Variants in TNFSF13B observed in about 807,000 individuals in gnomAD.
The protein encoded by TNFSF13B is tumor necrosis factor ligand superfamily member 13B.
A neutral mutation model predicts 29.1 loss-of-function variants in TNFSF13B; 8 were observed. The ratio of observed to expected loss-of-function variants is 0.27; its 90% CI spans 0.16 to 0.50. TNFSF13B has a LOEUF of 0.50. Ranked by LOEUF, TNFSF13B falls within the 20% of genes least tolerant of loss-of-function variation. The pLI, the probability that TNFSF13B is intolerant of heterozygous loss-of-function variation, is 0.98. For synonymous variants in TNFSF13B, 125 were observed against 130.8 expected (o/e 0.96, Z 0.30); for missense variants, 248 against 334.9 (o/e 0.74, Z 2.03).
Position 108,298,383 on chromosome 13 carries a change from G to A in TNFSF13B, c.482-4870G>A, listed in dbSNP as rs769444833. ...CATTATGAGAGTCACAGAAGGAGAA[G>A]AGAGTTAAAATCTGAATAAATAATA... On this transcript the variant is annotated intron_variant, in intron 3 of 5. Transcript: ENST00000375887. Among the ~76,000 whole-genome samples the A allele has an allele frequency of 4.8e-5, 7 of 145,780 alleles. 2 individuals are homozygous for A. The highest frequency in any genetic ancestry group is 1.1e-4 in the Non-Finnish European group (7 of 65,686).
At position 108,296,617 on chromosome 13, in the gene TNFSF13B, G is replaced by T. The variant is rs896562941; in HGVS notation, c.482-6636G>T. On this transcript the variant is annotated intron_variant, in intron 3 of 5. Transcript: ENST00000375887. ...TAAATTTAGCTCATTTATATTTAAA[G>T]TGATTACTGATAAGGAAAGAATTAC... is the stretch of plus-strand genomic sequence containing the variant. Among the ~76,000 whole-genome samples, 19 of 145,692 alleles carry T rather than the reference G, an allele frequency of 1.3e-4. 2 individuals carry two copies. The highest frequency in any genetic ancestry group is 4.9e-4 in the African/African-American group (19 of 38,880).
intron 2 of TNFSF13B, among the ~76,000 whole-genome samples, chr13:108,278,584 CT>C (rs1880825496): frequency 6.9e-6 from 1 of 144,310 alleles, no homozygotes. Context: ...TCCTCTCCTC[CT>C]CCTCCCCTTC....
At chr13:108,276,587 A>G (rs1024777071) in intron 2 of TNFSF13B, among the ~76,000 whole-genome samples, 1 of 146,370 alleles carries the variant, frequency 6.8e-6, no homozygotes, top group Non-Finnish European at 1.5e-5. Flanking sequence ...GCAAATTAAA[A>G]TACAAAAAAA....
chr13:108,302,704 T>C (rs1881660318), intron 3 of TNFSF13B: 1 of 436,176 alleles, frequency 2.3e-6, no homozygotes, highest in Non-Finnish European at 3.0e-6. Context: ...ATATCATAGA[T>C]GGTTGTTACA....
rs1257243016 is a variant in TNFSF13B at position 108,306,956 on chromosome 13, T to G, written c.*18T>G. 1 of 1,403,118 alleles carries G rather than the reference T, an allele frequency of 7.1e-7. No individual in the cohort carries two copies. Among genetic ancestry groups the G allele is most frequent in the Admixed American group, 1.9e-5 (1 of 53,356 alleles). 86.9% of individuals were successfully genotyped at this position (1,403,118 alleles called of 1,614,324 possible). A position where few individuals can be genotyped will look rare whatever the true frequency, so the allele number is the denominator to read the frequency against. The stretch of plus-strand genomic sequence containing the variant: ...TGCTGTGACCTACTTACACCATGTC[T>G]GTAGCTATTTTCCTCCCTTTCTCTG... On this transcript the variant is annotated 3_prime_UTR_variant, in exon 6 of 6. Coordinates refer to ENST00000375887, the MANE Select transcript of TNFSF13B (RefSeq NM_006573.5).
intron 5 of TNFSF13B, among the ~76,000 whole-genome samples, chr13:108,304,513 C>A (rs896495623): frequency 6.6e-6 from 1 of 152,104 alleles, no homozygotes; most frequent in African/African-American, 2.4e-5. Context: ...TAATTGCCAA[C>A]ATTTCCTTCA....
At chr13:108,281,801 C>T (rs768822283) in intron 2 of TNFSF13B, among the ~76,000 whole-genome samples, 2 of 152,110 alleles carry the variant, frequency 1.3e-5, no homozygotes, top group Non-Finnish European at 2.9e-5. Flanking sequence ...ACTAGCTTCC[C>T]TCCTCTAAAT....
intron 2 of TNFSF13B, among the ~76,000 whole-genome samples, chr13:108,280,866 A>T (rs145598124): frequency 6.6e-6 from 1 of 152,086 alleles, no homozygotes; most frequent in South Asian, 2.1e-4. Flanking sequence ...GTCTATACAA[A>T]CACACACACA....
In TNFSF13B at chr13:108,299,396, G is replaced by A. The variant is rs902223232; in HGVS notation, c.482-3857G>A. Among the ~76,000 whole-genome samples, 2 of 109,442 alleles carry A rather than the reference G, an allele frequency of 1.8e-5. 1 individual carries two copies. The highest frequency in any genetic ancestry group is 4.2e-5 in the Non-Finnish European group (2 of 47,774). 71.8% of individuals were successfully genotyped at this position (109,442 alleles called of 152,430 possible). ...TAGGATGTTACAATGTAGCAAATCT[G>A]GAAATCAAAATTACTCCCATCCTCA... On this transcript the variant is annotated intron_variant, in intron 3 of 5. Transcript: ENST00000375887.
rs1347322327 is a variant in TNFSF13B, at chr13:108,269,747, AG to A, written c.-148del. On this transcript the variant is annotated 5_prime_UTR_variant, in exon 1 of 6. The change abolishes the stop of an existing upstream ORF in the 5' untranslated region. Coordinates refer to ENST00000375887, the MANE Select transcript of TNFSF13B (RefSeq NM_006573.5). ...GTAGAGATGCAGAAAGGCAGAAAGGAGAAAATTCAGGATAACTCTCCTGAGG... is the reference window on the plus strand; with the variant it reads ...GTAGAGATGCAGAAAGGCAGAAAGGAAAAATTCAGGATAACTCTCCTGAGG... 21 of 721,564 alleles carry A rather than the reference AG, an allele frequency of 2.9e-5. No homozygotes were observed. The highest frequency in any genetic ancestry group is 2.7e-5 in the Admixed American group (1 of 36,934). The allele number at this position is 721,564 out of a possible 1,614,324, so 44.7% of individuals were successfully genotyped here. A position where few individuals can be genotyped will look rare whatever the true frequency, so the allele number is the denominator to read the frequency against.
intron 3 of TNFSF13B, among the ~76,000 whole-genome samples, chr13:108,297,224 A>G (rs1298410803): frequency 6.9e-6 from 1 of 145,844 alleles, no homozygotes; most frequent in Non-Finnish European, 1.5e-5. Flanking sequence ...TATAGAATAC[A>G]TGGTAGACAG....
At chr13:108,286,397 G>C (rs1881132738) in intron 2 of TNFSF13B, among the ~76,000 whole-genome samples, 1 of 151,826 alleles carries the variant, frequency 6.6e-6, no homozygotes, top group Admixed American at 6.6e-5. Flanking sequence ...AGTATTTTCT[G>C]TAGTAGTAGG....
chr13:108,272,430 A>G (rs1211653278), intron 2 of TNFSF13B, among the ~76,000 whole-genome samples: 1 of 152,062 alleles, frequency 6.6e-6, no homozygotes, highest in Non-Finnish European at 1.5e-5. Context: ...ACATTTGTTC[A>G]TGTTTTCTTA....
chr13:108,301,332 G>T (rs1433386370), intron 3 of TNFSF13B: 1 of 152,172 alleles, frequency 6.6e-6, no homozygotes, highest in Non-Finnish European at 1.5e-5. Context: ...GACCATAGAA[G>T]AGATAACTGT....
In TNFSF13B at chr13:108,283,734, A is replaced by G. The variant is rs889281099; in HGVS notation, c.425-3069A>G. Among the ~76,000 whole-genome samples the G allele has an allele frequency of 1.5e-4, 23 of 152,222 alleles. 1 individual carries two copies. Among genetic ancestry groups the G allele is most frequent in the Admixed American group, 1.4e-3 (21 of 15,284 alleles). On this transcript the variant is annotated intron_variant, in intron 2 of 5. Coordinates refer to ENST00000375887, the MANE Select transcript of TNFSF13B (RefSeq NM_006573.5). ...TTCAGGGGGCCGGAAGTCCAAGACC[A>G]AGATGCCTAAAGATTTCGGTATCTG...
intron 3 of TNFSF13B, among the ~76,000 whole-genome samples, chr13:108,292,059 ACT>A (rs4000608): frequency 0.21 from 31,905 of 151,716 alleles, 3,999 homozygotes; most frequent in East Asian, 0.42. Context: ...ACAACCACCA[ACT>A]CTCTCTAGCT....
At chr13:108,292,558 A>G (rs1881348838) in intron 3 of TNFSF13B, among the ~76,000 whole-genome samples, 1 of 152,074 alleles carries the variant, frequency 6.6e-6, no homozygotes. Context: ...GCAATGTACT[A>G]GTGTTCTAAT....
intron 2 of TNFSF13B, among the ~76,000 whole-genome samples, chr13:108,285,135 A>G (rs1881086642): frequency 6.6e-6 from 1 of 152,214 alleles, no homozygotes; most frequent in Non-Finnish European, 1.5e-5. Context: ...GAAAATTGAC[A>G]TAAAAATGTG....
At chr13:108,288,308 G>A (rs565256644) in intron 3 of TNFSF13B, among the ~76,000 whole-genome samples, 1 of 151,960 alleles carries the variant, frequency 6.6e-6, no homozygotes, top group South Asian at 2.1e-4. Flanking sequence ...ATGTTTACTG[G>A]GTGTATCAGT....
Sources: gnomAD v4.1 joint callset for allele counts (sites outside exome capture counted in the v4.1 genomes callset) on GRCh38, gnomAD v4.1.1 for gene constraint, MANE v1.5 for transcripts, NCBI Gene and HGNC (gene_info 2026-07-23, HGNC 2026-07-21) for gene names.